FREM1: variants seen among roughly 807,000 people sequenced by gnomAD.
FREM1 encodes the protein FRAS1-related extracellular matrix protein 1.
FREM1 carries 220 observed loss-of-function variants against 210.1 expected under a neutral mutation model. The observed-to-expected ratio is 1.05, with a 90% CI of 0.94 to 1.17. The LOEUF is 1.17. Among genes scored for constraint, FREM1 ranks in the 50% most tolerant of loss-of-function variants. The pLI, the probability that FREM1 is intolerant of heterozygous loss-of-function variation, is 0.00. For missense variants in FREM1, 3,454 were observed against 2,675.5 expected (o/e 1.29, Z -6.42); for synonymous variants, 1,189 against 980.2 (o/e 1.21, Z -3.98).
chr9:14,859,936 G>A (rs1219755302), intron 3 of FREM1, among the ~76,000 whole-genome samples: 1 of 152,156 alleles, frequency 6.6e-6, no homozygotes, highest in Non-Finnish European at 1.5e-5. Flanking sequence ...CCTAGTTTGG[G>A]TGCCCAGCTC....
At chr9:14,806,567 G>C in intron 18 of FREM1, 94 bp downstream of exon 18, 4 of 794,772 alleles carry the variant, frequency 5.0e-6, no homozygotes, top group Non-Finnish European at 8.3e-6. Context: ...TAAACATTTT[G>C]AAAGTCCTTA....
intron 1 of FREM1, among the ~76,000 whole-genome samples, chr9:14,898,969 T>C (rs78429221): frequency 0.021 from 3,211 of 152,338 alleles, 106 homozygotes; most frequent in African/African-American, 0.073. Context: ...AATTAAAGTC[T>C]ACTAATTTAT....
chr9:14,803,956 A>C (rs1160543298), intron 19 of FREM1, among the ~76,000 whole-genome samples: 1 of 152,178 alleles, frequency 6.6e-6, no homozygotes, highest in Non-Finnish European at 1.5e-5. Context: ...TTCTTCATAG[A>C]GCTTGACTAA....
At chr9:14,869,734 T>C (rs72713606) in intron 1 of FREM1, among the ~76,000 whole-genome samples, 2,005 of 152,342 alleles carry the variant, frequency 0.013, 20 homozygotes, top group South Asian at 0.034. Context: ...TTTATCACAC[T>C]GGGCACACTT....
intron 12 of FREM1, among the ~76,000 whole-genome samples, chr9:14,823,740 A>G (rs1821807988): frequency 6.6e-6 from 1 of 152,226 alleles, no homozygotes; most frequent in African/African-American, 2.4e-5. Context: ...TGGAATAAAA[A>G]CGTATACACC....
intron 27 of FREM1, among the ~76,000 whole-genome samples, chr9:14,761,197 C>T (rs1459114664): frequency 1.3e-5 from 2 of 152,100 alleles, no homozygotes; most frequent in Non-Finnish European, 2.9e-5. Flanking sequence ...CTTCAAATAA[C>T]CACTGTGTCC....
chr9:14,809,892 ATGT>A, intron 16 of FREM1, among the ~76,000 whole-genome samples: 1 of 152,082 alleles, frequency 6.6e-6, no homozygotes, highest in Non-Finnish European at 1.5e-5. Context: ...GTATGTATGT[ATGT>A]ATGTATGTAT....
intron 10 of FREM1, among the ~76,000 whole-genome samples, chr9:14,838,851 T>C (rs1825114510): frequency 6.6e-6 from 1 of 152,126 alleles, no homozygotes; most frequent in Admixed American, 6.5e-5. Context: ...TGTAAACAGA[T>C]GCCAGAGCAT....
At chr9:14,907,913 G>T (rs998798265) in intron 1 of FREM1, among the ~76,000 whole-genome samples, 3 of 152,134 alleles carry the variant, frequency 2.0e-5, no homozygotes, top group Admixed American at 6.5e-5. Flanking sequence ...GGGGTTAGAT[G>T]GCTCTTCCAA....
At chr9:14,837,694 A>C (rs574544936) in intron 10 of FREM1, among the ~76,000 whole-genome samples, 1 of 152,338 alleles carries the variant, frequency 6.6e-6, no homozygotes, top group Admixed American at 6.5e-5. Context: ...GAATTTCTGA[A>C]CTTTGTAGAT....
At chr9:14,818,296 T>C (rs551837498) in intron 14 of FREM1, among the ~76,000 whole-genome samples, 1 of 152,302 alleles carries the variant, frequency 6.6e-6, no homozygotes, top group Admixed American at 6.5e-5. Flanking sequence ...TCAAAAAACA[T>C]TTTTTTAACA....
At chr9:14,898,271 T>C (rs1406871595) in intron 1 of FREM1, among the ~76,000 whole-genome samples, 1 of 152,216 alleles carries the variant, frequency 6.6e-6, no homozygotes, top group African/African-American at 2.4e-5. Context: ...TTACATGTGA[T>C]ACTATCTGTC....
At chr9:14,803,903 C>T (rs1251509625) in intron 19 of FREM1, among the ~76,000 whole-genome samples, 1 of 152,068 alleles carries the variant, frequency 6.6e-6, no homozygotes, top group Non-Finnish European at 1.5e-5. Flanking sequence ...GCCTTTTTCT[C>T]CAAGAACTTT....
intron 27 of FREM1, among the ~76,000 whole-genome samples, chr9:14,767,564 A>G (rs1377247419): frequency 6.6e-6 from 1 of 152,220 alleles, no homozygotes; most frequent in Admixed American, 6.5e-5. Context: ...GCAATGAAAT[A>G]GAGCAAACAC....
At position 14,788,963 on chromosome 9, in the gene FREM1, G is replaced by T. The variant is rs756826421; in HGVS notation, c.4133C>A (p.Ser1378Tyr). The T allele has an allele frequency of 1.2e-6, 2 of 1,613,176 alleles. No individual in the cohort carries two copies. Among genetic ancestry groups the T allele is most frequent in the South Asian group, 1.1e-5 (1 of 90,790 alleles). The change falls in exon 23 of 37, where the codon TCC becomes TAC. Residue 1378 changes from serine (S) to tyrosine (Y), a missense_variant. Coordinates refer to ENST00000380880, the MANE Select transcript of FREM1 (RefSeq NM_001379081.2). ...TFYLWDGNNR[S>Y]PALDCQITIK... ...GGTGATTTGACAGTCAAGAGCAGGG[G>T]ACCTGTTGTTGCCATCCCAAAGGTA...
At chr9:14,878,855 G>GA (rs1051558605) in intron 1 of FREM1, among the ~76,000 whole-genome samples, 1 of 151,844 alleles carries the variant, frequency 6.6e-6, no homozygotes, top group East Asian at 1.9e-4. Context: ...TATCTAAAAA[G>GA]AAAAAACAAA....
At chr9:14,846,270 A>T (rs1826596837) in intron 7 of FREM1, among the ~76,000 whole-genome samples, 179 bp from the exon 8 acceptor site, 1 of 152,212 alleles carries the variant, frequency 6.6e-6, no homozygotes, top group Non-Finnish European at 1.5e-5. Context: ...CAGAAAACCA[A>T]ACACCACATG....
intron 21 of FREM1, among the ~76,000 whole-genome samples, chr9:14,796,902 G>A (rs915019935): frequency 3.3e-5 from 5 of 152,158 alleles, no homozygotes; most frequent in African/African-American, 1.2e-4. Context: ...CTAATACAGG[G>A]AGATACTGAG....
At chr9:14,885,085 C>T (rs1835560107) in intron 1 of FREM1, among the ~76,000 whole-genome samples, 1 of 148,420 alleles carries the variant, frequency 6.7e-6, no homozygotes. Flanking sequence ...CCACCGCGCC[C>T]GGCTAATTTT....
Sources: gnomAD v4.1 joint callset for allele counts (sites outside exome capture counted in the v4.1 genomes callset) on GRCh38, gnomAD v4.1.1 for gene constraint, MANE v1.5 for transcripts, NCBI Gene and HGNC (gene_info 2026-07-23, HGNC 2026-07-21) for gene names.